FAM76B: variants seen among roughly 807,000 people sequenced by gnomAD.
FAM76B encodes the protein protein FAM76B.
Under a neutral mutation model 51.8 loss-of-function variants are expected in FAM76B, and 16 were observed. The ratio of observed to expected loss-of-function variants is 0.31; its 90% CI spans 0.21 to 0.47. The LOEUF is 0.47. Ranked by LOEUF, FAM76B falls within the 20% of genes least tolerant of loss-of-function variation. FAM76B has a pLI of 1.00. For missense variants in FAM76B, 342 were observed against 392.6 expected (o/e 0.87, Z 1.09); for synonymous variants, 166 against 129.5 (o/e 1.28, Z -1.91).
chr11:95,789,531 C>G lies in FAM76B; in HGVS notation c.-53G>C, dbSNP rs902005669. On this transcript the variant is annotated 5_prime_UTR_variant, in exon 1 of 10. Transcript: ENST00000358780. ...CCGCCCGCTCCGAGGCGGGGCCCTA[C>G]GGAGAACCCGAGAGCCGCCGCCGCC... 48 of 1,524,840 alleles carry G rather than the reference C, an allele frequency of 3.1e-5. No homozygotes were observed. The highest frequency in any genetic ancestry group is 4.2e-5 in the Non-Finnish European group (47 of 1,128,386). 94.5% of individuals were successfully genotyped at this position (1,524,840 alleles called of 1,614,324 possible). A position where few individuals can be genotyped will look rare whatever the true frequency, so the allele number is the denominator to read the frequency against.
chr11:95,779,673 G>A lies in FAM76B; in HGVS notation c.626C>T (p.Ala209Val), dbSNP rs765955599. 1.5e-5 allele frequency: 24 copies of A among 1,609,682 alleles called. No homozygotes were observed. In the East Asian group the frequency reaches 4.9e-4, roughly 33 times the overall value. The change falls in exon 7 of 10, where the codon GCA becomes GTA. Residue 209 changes from alanine to valine, a missense_variant. Physicochemically the swap from Ala to Val is moderately conservative, Grantham distance 64 (BLOSUM62 0). Transcript: ENST00000358780. ...CTTTGGAGTTTCATTCTGAATTGTT[G>A]CAGAGGATTTATGGCTGAAACCAAA... ...GLWKQSHKSS[A>V]TIQNETPKKK...
At chr11:95,784,048 C>A (rs1056565251) in intron 4 of FAM76B, among the ~76,000 whole-genome samples, 4 of 152,124 alleles carry the variant, frequency 2.6e-5, no homozygotes, top group African/African-American at 9.7e-5. Flanking sequence ...AAATGCCCAT[C>A]GTTAGTAGAC....
At chr11:95,774,322 G>A (rs1859902821) in intron 9 of FAM76B, among the ~76,000 whole-genome samples, 1 of 151,306 alleles carries the variant, frequency 6.6e-6, no homozygotes, top group African/African-American at 2.4e-5. Flanking sequence ...ATGTCAAAAT[G>A]TCCTATTTAA....
intron 4 of FAM76B, among the ~76,000 whole-genome samples, chr11:95,785,140 G>A (rs1359755147): frequency 6.6e-6 from 1 of 152,134 alleles, no homozygotes; most frequent in South Asian, 2.1e-4. Flanking sequence ...TGTAACTAGG[G>A]TATGCTAATA....
In FAM76B at chr11:95,778,859, T is replaced by C; in HGVS notation, c.791A>G (p.Gln264Arg). 6.2e-7 allele frequency: 1 copy of C among 1,610,372 alleles called. No individual in the cohort carries two copies. Among genetic ancestry groups the C allele is most frequent in the Non-Finnish European group, 8.5e-7 (1 of 1,177,838 alleles). ...TTCTAAAATGGTCTGGTCTCTCTGC[T>C]GTAAGAGACGCTTAAGTGACATCAC... ...EEVMSLKRLL[Q>R]QRDQTILEKD... The change falls in exon 8 of 10, where the codon CAG (glutamine) becomes CGG (arginine). Residue 264 changes from glutamine (Q) to arginine (R), a missense_variant. By Grantham distance (43) the Gln-to-Arg change is conservative (BLOSUM62 1). Around this residue, in one of 3 missense-constraint regions of FAM76B, gnomAD observed 230 missense variants for 257.4 expected, o/e 0.89. Coordinates refer to ENST00000358780, the MANE Select transcript of FAM76B (RefSeq NM_144664.5).
intron 2 of FAM76B, among the ~76,000 whole-genome samples, 200 bp from the exon 3 acceptor site, chr11:95,787,878 G>A (rs1860688401): frequency 1.3e-5 from 2 of 151,964 alleles, no homozygotes; most frequent in African/African-American, 4.8e-5. Context: ...CATTTTTATT[G>A]CATATTACTT....
intron 3 of FAM76B, 76 bp from the exon 4 acceptor site, chr11:95,786,350 CA>C (rs1469402476): frequency 4.8e-6 from 7 of 1,463,136 alleles, no homozygotes; most frequent in East Asian, 2.4e-5. Context: ...GTGTTGTAGA[CA>C]TATTTCTGGA....
At chr11:95,787,239 G>T (rs1338191178) in intron 3 of FAM76B, among the ~76,000 whole-genome samples, 2 of 148,232 alleles carry the variant, frequency 1.3e-5, no homozygotes, top group Admixed American at 6.7e-5. Flanking sequence ...CATAGCAGTA[G>T]TTTTTTTTTT....
chr11:95,782,339 T>C (rs544344145), intron 5 of FAM76B, among the ~76,000 whole-genome samples: 9 of 152,010 alleles, frequency 5.9e-5, no homozygotes, highest in Admixed American at 5.9e-4. Flanking sequence ...CAAATACGGA[T>C]CAAAAATACA....
intron 1 of FAM76B, chr11:95,788,934 G>C: frequency 1.5e-6 from 2 of 1,349,338 alleles, no homozygotes; most frequent in African/African-American, 1.5e-5. Context: ...TCCCAAACCA[G>C]TCGCTTCGCT....
rs189067019 is a variant in FAM76B, at chr11:95,788,012, T to C, written c.153-334A>G. On this transcript the variant is annotated intron_variant, in intron 2 of 9. Transcript: ENST00000358780. Reference sequence around the variant, plus strand: ...CTTCCACTTGGCTACTGTCCAACATTATAATGCCCACACCTATTTATGAAG... The same window carrying C: ...CTTCCACTTGGCTACTGTCCAACATCATAATGCCCACACCTATTTATGAAG... Among the ~76,000 whole-genome samples the C allele has an allele frequency of 7.0e-4, 106 of 152,358 alleles. 1 individual carries two copies. The highest frequency in any genetic ancestry group is 6.8e-3 in the Middle Eastern group (2 of 294).
intron 8 of FAM76B, 54 bp from the exon 9 acceptor site, chr11:95,776,077 AC>A: frequency 1.1e-6 from 1 of 916,790 alleles, no homozygotes; most frequent in South Asian, 2.2e-5. Context: ...ACACACACAC[AC>A]CATTTTAAAT....
chr11:95,783,629 T>A (rs1269738577), intron 4 of FAM76B, among the ~76,000 whole-genome samples: 1 of 152,240 alleles, frequency 6.6e-6, no homozygotes, highest in Non-Finnish European at 1.5e-5. Context: ...ACTAATAATT[T>A]TTCACTACAG....
At chr11:95,774,577 T>A (rs957143818) in intron 9 of FAM76B, among the ~76,000 whole-genome samples, 2 of 151,432 alleles carry the variant, frequency 1.3e-5, no homozygotes, top group African/African-American at 2.4e-5. Context: ...TTACATTACA[T>A]TAAATCAAAG....
intron 7 of FAM76B, 187 bp downstream of exon 7, chr11:95,779,420 C>T: frequency 3.4e-6 from 2 of 592,016 alleles, no homozygotes; most frequent in Non-Finnish European, 5.6e-6. Context: ...CAACATAGTT[C>T]AGTGCCACTT....
intron 7 of FAM76B, 136 bp downstream of exon 7, chr11:95,779,471 A>C (rs1860156409): frequency 3.9e-6 from 3 of 767,770 alleles, no homozygotes; most frequent in Non-Finnish European, 3.9e-6. Context: ...AAACTAATTT[A>C]TGTTTATTCT....
Position 95,789,038 on chromosome 11 carries a change from AGAG to A in FAM76B, c.87+351_87+353del, listed in dbSNP as rs1860796264. The A allele has an allele frequency of 3.6e-6, 5 of 1,384,628 alleles. No homozygotes were observed. The Admixed American group carries it at 8.7e-5, about 24-fold the overall frequency. The allele number at this position is 1,384,628 out of a possible 1,614,324, so 85.8% of individuals were successfully genotyped here. A position where few individuals can be genotyped will look rare whatever the true frequency, so the allele number is the denominator to read the frequency against. ...CCGTCCCCTGCCTCCTGGTGGAAGA[AGAG>A]GACAGACCAGGCAGAAAACCGAGAT... On this transcript the variant is annotated intron_variant, in intron 1 of 9. Coordinates refer to ENST00000358780, the MANE Select transcript of FAM76B (RefSeq NM_144664.5).
At chr11:95,789,117 ACT>A in intron 1 of FAM76B, 5 of 1,355,342 alleles carry the variant, frequency 3.7e-6, no homozygotes, top group Non-Finnish European at 4.9e-6. Context: ...TGGCTGCCTC[ACT>A]CAACCCCACT....
At chr11:95,785,646 C>T (rs1395595863) in intron 4 of FAM76B, among the ~76,000 whole-genome samples, 2 of 152,118 alleles carry the variant, frequency 1.3e-5, no homozygotes, top group Non-Finnish European at 2.9e-5. Context: ...GAATGCTGAT[C>T]GGCAAAGGAA....
Sources: allele counts gnomAD v4.1 joint callset (sites outside exome capture counted in the v4.1 genomes callset), GRCh38; gene constraint gnomAD v4.1.1; regional missense constraint gnomAD v4.1.1; transcripts MANE v1.5; gene names NCBI Gene and HGNC (gene_info 2026-07-23, HGNC 2026-07-21).